Variants in CDH13 observed in about 807,000 individuals in gnomAD.
The protein encoded by CDH13 is cadherin-13.
In CDH13, 24 loss-of-function variants were observed where a neutral mutation model predicts 63.8. The observed-to-expected ratio is 0.38, with a 90% CI of 0.27 to 0.53. The LOEUF (loss-of-function observed/expected upper bound fraction) is 0.53, where lower values mean the gene tolerates loss of function less well. CDH13 is among the 20% of genes least tolerant of loss of function. CDH13 has a pLI of 0.85. For missense variants in CDH13, 1,049 were observed against 903.1 expected (o/e 1.16, Z -2.07); for synonymous variants, 503 against 355.3 (o/e 1.42, Z -4.67).
chr16:83,512,445 T>C (rs928141861), intron 7 of CDH13, among the ~76,000 whole-genome samples: 17 of 150,366 alleles, frequency 1.1e-4, no homozygotes, highest in Non-Finnish European at 2.1e-4. Context: ...CCGAGGTGGG[T>C]GGATCACGAG....
At chr16:82,697,133 G>A (rs922654991) in intron 1 of CDH13, among the ~76,000 whole-genome samples, 2 of 152,162 alleles carry the variant, frequency 1.3e-5, no homozygotes, top group Non-Finnish European at 2.9e-5. Flanking sequence ...CTGAGTCCAG[G>A]TCCACACTCA....
intron 1 of CDH13, among the ~76,000 whole-genome samples, chr16:82,669,447 C>T (rs1467361360): frequency 6.6e-6 from 1 of 152,110 alleles, no homozygotes; most frequent in Non-Finnish European, 1.5e-5. Context: ...ACCCATTGAG[C>T]CTTTTATTTT....
At chr16:82,743,342 C>T (rs1208600941) in intron 1 of CDH13, among the ~76,000 whole-genome samples, 4 of 152,306 alleles carry the variant, frequency 2.6e-5, no homozygotes, top group Middle Eastern at 3.4e-3. Context: ...ATCCTCCCAC[C>T]TCAGCCTTTT....
At chr16:83,257,131 A>G (rs2151831750) in intron 5 of CDH13, among the ~76,000 whole-genome samples, 1 of 152,080 alleles carries the variant, frequency 6.6e-6, no homozygotes, top group Non-Finnish European at 1.5e-5. Context: ...GAGTTGGGGG[A>G]TGGAGGAAGG....
intron 8 of CDH13, among the ~76,000 whole-genome samples, chr16:83,614,521 C>A (rs544259559): frequency 1.3e-5 from 2 of 152,330 alleles, no homozygotes; most frequent in African/African-American, 4.8e-5. Flanking sequence ...GGTAAAAGTT[C>A]TATGGAATAT....
intron 2 of CDH13, among the ~76,000 whole-genome samples, chr16:83,021,442 C>T (rs1915336304): frequency 6.6e-6 from 1 of 152,232 alleles, no homozygotes; most frequent in South Asian, 2.1e-4. Context: ...GAACGTAAGA[C>T]TGACACACAT....
intron 10 of CDH13, among the ~76,000 whole-genome samples, chr16:83,743,748 C>CCTTTTTTTTTTTTTTTTTTTT (rs1912280138): frequency 1.3e-5 from 1 of 76,258 alleles, no homozygotes; most frequent in African/African-American, 5.5e-5. Context: ...TTTCTTTTTT[C>CCTTTTTTTTTTTTTTTTTTTT]TTTTTTTTTT....
chr16:83,401,211 G>A (rs977838045), intron 6 of CDH13, among the ~76,000 whole-genome samples: 1 of 152,130 alleles, frequency 6.6e-6, no homozygotes, highest in African/African-American at 2.4e-5. Context: ...TGGTGTGTGC[G>A]CCTGTAATCC....
At chr16:83,026,848 A>G (rs1349279589) in intron 2 of CDH13, among the ~76,000 whole-genome samples, 2 of 152,310 alleles carry the variant, frequency 1.3e-5, no homozygotes, top group African/African-American at 2.4e-5. Context: ...TGCAAGTTTT[A>G]CTGGCATCTT....
intron 5 of CDH13, among the ~76,000 whole-genome samples, chr16:83,344,623 A>C (rs1184557830): frequency 6.6e-6 from 1 of 152,092 alleles, no homozygotes; most frequent in Non-Finnish European, 1.5e-5. Context: ...TTCTTTGCCG[A>C]TTTGATGAAT....
intron 11 of CDH13, among the ~76,000 whole-genome samples, chr16:83,751,078 G>A (rs1913044033): frequency 1.3e-5 from 2 of 152,120 alleles, no homozygotes; most frequent in African/African-American, 4.8e-5. Flanking sequence ...GGTTCTTTGT[G>A]TGCAAAGATA....
intron 10 of CDH13, among the ~76,000 whole-genome samples, chr16:83,701,819 G>C (rs919562538): frequency 5.9e-5 from 9 of 152,148 alleles, no homozygotes; most frequent in Non-Finnish European, 1.3e-4. Flanking sequence ...TGCCCAGTTT[G>C]CTTCCTCTGC....
intron 2 of CDH13, among the ~76,000 whole-genome samples, chr16:82,980,973 G>C (rs1362538840): frequency 1.3e-5 from 2 of 152,140 alleles, no homozygotes; most frequent in African/African-American, 4.8e-5. Context: ...AAAACATGCT[G>C]CTGCTTTTTT....
intron 7 of CDH13, among the ~76,000 whole-genome samples, chr16:83,503,374 C>T (rs1288474105): frequency 1.3e-5 from 2 of 152,146 alleles, no homozygotes; most frequent in African/African-American, 4.8e-5. Flanking sequence ...TAGAGAGATT[C>T]GGATGGGGTG....
chr16:83,753,944 A>G (rs1264787264), intron 11 of CDH13, among the ~76,000 whole-genome samples: 1 of 117,016 alleles, frequency 8.5e-6, no homozygotes. Flanking sequence ...CATTTCAAAA[A>G]GAAAACCTTT....
intron 2 of CDH13, among the ~76,000 whole-genome samples, chr16:82,888,024 G>A (rs1452889488): frequency 6.6e-6 from 1 of 152,110 alleles, no homozygotes; most frequent in Admixed American, 6.5e-5. Flanking sequence ...TTTGGCCAAA[G>A]GGCTGTATGT....
intron 11 of CDH13, among the ~76,000 whole-genome samples, chr16:83,767,982 A>G (rs559831264): frequency 2.0e-4 from 30 of 152,352 alleles, no homozygotes; most frequent in African/African-American, 7.0e-4. Flanking sequence ...ATAAAGAGTA[A>G]GAAAAAAGTA....
At chr16:83,686,020 ACCAC>A (rs1322906691) in intron 10 of CDH13, among the ~76,000 whole-genome samples, 1 of 152,196 alleles carries the variant, frequency 6.6e-6, no homozygotes, top group Non-Finnish European at 1.5e-5. Flanking sequence ...TATTTTCATA[ACCAC>A]CCTGTAAATG....
intron 2 of CDH13, among the ~76,000 whole-genome samples, chr16:82,974,544 A>C (rs991765692): frequency 6.6e-6 from 1 of 152,180 alleles, no homozygotes; most frequent in Non-Finnish European, 1.5e-5. Flanking sequence ...TAGAAACTGC[A>C]AATATGTGAC....
Sources: gnomAD v4.1 joint callset for allele counts (sites outside exome capture counted in the v4.1 genomes callset) on GRCh38, gnomAD v4.1.1 for gene constraint, MANE v1.5 for transcripts, NCBI Gene and HGNC (gene_info 2026-07-23, HGNC 2026-07-21) for gene names.